SORCS2: variants seen among roughly 807,000 people sequenced by gnomAD.
SORCS2 encodes the protein sortilin related VPS10 domain containing receptor 2, also known as VPS10 domain-containing receptor SorCS2.
A neutral mutation model predicts 141.6 loss-of-function variants in SORCS2; 100 were observed. That is an observed-to-expected ratio of 0.71 (90% CI 0.60 to 0.83). SORCS2 has a LOEUF of 0.83. Among genes scored for constraint, SORCS2 ranks in the 40% least tolerant of loss-of-function variants. The pLI, the probability that SORCS2 is intolerant of heterozygous loss-of-function variation, is 0.00. For synonymous variants in SORCS2, 789 were observed against 676.9 expected, an observed-to-expected ratio of 1.17 and a Z score of -2.57; for missense variants, 1,646 against 1,560.2, an observed-to-expected ratio of 1.05 and a Z score of -0.93.
At chr4:7,207,626 G>A (rs1422552161) in intron 1 of SORCS2, among the ~76,000 whole-genome samples, 1 of 152,210 alleles carries the variant, frequency 6.6e-6, no homozygotes, top group Non-Finnish European at 1.5e-5. Flanking sequence ...CAGATGTCTA[G>A]CGATGCAGGA....
At chr4:7,359,613 T>C (rs1560217182) in intron 1 of SORCS2, among the ~76,000 whole-genome samples, 2 of 152,176 alleles carry the variant, frequency 1.3e-5, no homozygotes, top group African/African-American at 2.4e-5. Flanking sequence ...GCTCCCAAGA[T>C]CCCGGCAGCT....
At chr4:7,473,959 G>A (rs1730137108) in intron 2 of SORCS2, among the ~76,000 whole-genome samples, 1 of 152,192 alleles carries the variant, frequency 6.6e-6, no homozygotes, top group South Asian at 2.1e-4. Context: ...TCGTTACCCA[G>A]CTTTAAAAAC....
At chr4:7,533,307 G>A (rs892792008) in intron 3 of SORCS2, among the ~76,000 whole-genome samples, 1 of 152,206 alleles carries the variant, frequency 6.6e-6, no homozygotes, top group African/African-American at 2.4e-5. Context: ...CTTCCAGCCC[G>A]ACCATCACCC....
chr4:7,740,195 C>T lies in SORCS2; in HGVS notation c.3416-5C>T. On this transcript the variant is annotated splice_polypyrimidine_tract_variant and splice_region_variant and intron_variant, in intron 26 of 26. Transcript: ENST00000507866. ...CACGGGACCTGCGTCTCTTCTGTTT[C>T]CTAGGCAACCACTCAGGCGTGGTCC... The T allele has an allele frequency of 1.9e-6, 3 of 1,606,682 alleles. No homozygotes were observed. Among genetic ancestry groups the T allele is most frequent in the Non-Finnish European group, 2.5e-6 (3 of 1,178,676 alleles).
Position 7,339,919 on chromosome 4 carries a change from C to A in SORCS2, c.481-56369C>A, listed in dbSNP as rs191962996. On this transcript the variant is annotated intron_variant, in intron 1 of 26. Coordinates refer to ENST00000507866, the MANE Select transcript of SORCS2 (RefSeq NM_020777.3). Reference sequence around the variant, plus strand: ...CCCAGGCTCTGCCAAGCAGCAGCTGCCATGCATCAGGGCTGCTTTCCATGA... The same window carrying A: ...CCCAGGCTCTGCCAAGCAGCAGCTGACATGCATCAGGGCTGCTTTCCATGA... Among the ~76,000 whole-genome samples the A allele has an allele frequency of 2.0e-5, 3 of 152,326 alleles. No individual in the cohort carries two copies. In the East Asian group the frequency reaches 5.8e-4, roughly 29 times the overall value.
chr4:7,339,349 G>A (rs1240705253), intron 1 of SORCS2, among the ~76,000 whole-genome samples: 1 of 152,224 alleles, frequency 6.6e-6, no homozygotes, highest in Non-Finnish European at 1.5e-5. Flanking sequence ...TGCAACAGCT[G>A]GTGTAGGAAA....
At chr4:7,673,560 A>G (rs1374762800) in intron 8 of SORCS2, among the ~76,000 whole-genome samples, 1 of 152,206 alleles carries the variant, frequency 6.6e-6, no homozygotes, top group African/African-American at 2.4e-5. Context: ...CACATGAAAA[A>G]AATATGTGCA....
intron 1 of SORCS2, among the ~76,000 whole-genome samples, chr4:7,383,898 AC>A (rs1723138807): frequency 1.3e-5 from 2 of 152,312 alleles, no homozygotes; most frequent in African/African-American, 4.8e-5. Flanking sequence ...GTCTACCAAG[AC>A]CCACCTATTA....
At position 7,663,280 on chromosome 4, in the gene SORCS2, AAGTG is replaced by A. The variant is rs75707298; in HGVS notation, c.953-1063_953-1060del. 0.017 allele frequency among the ~76,000 whole-genome samples: 2,456 copies of A among 148,376 alleles called. 32 individuals are homozygous for A. Among genetic ancestry groups the A allele is most frequent in the Middle Eastern group, 0.047 (12 of 254 alleles). ...TGAATAAGTGAGTGAGTGAATGAAT[AAGTG>A]AGTGAGTGAATGAGTGACTGAGTGA... On this transcript the variant is annotated intron_variant, in intron 6 of 26. Transcript: ENST00000507866. The surrounding 1 kb of genome is among the most constrained non-coding windows in gnomAD (Gnocchi z 4.8).
intron 1 of SORCS2, among the ~76,000 whole-genome samples, chr4:7,307,967 G>A (rs1039805579): frequency 1.3e-5 from 2 of 152,144 alleles, no homozygotes; most frequent in African/African-American, 2.4e-5. Context: ...GTGTGTCTGA[G>A]TGTGTGTGCG....
intron 5 of SORCS2, among the ~76,000 whole-genome samples, chr4:7,654,960 C>CG (rs1560459607): frequency 2.6e-5 from 4 of 152,128 alleles, no homozygotes. Context: ...CCTCACTGCA[C>CG]GGGGGGCACT....
intron 2 of SORCS2, among the ~76,000 whole-genome samples, chr4:7,495,246 A>C (rs910455799): frequency 4.6e-5 from 7 of 152,170 alleles, no homozygotes. Context: ...GAGCTGCATC[A>C]ACTCAGGCTC....
At chr4:7,197,644 A>G (rs192044730) in intron 1 of SORCS2, among the ~76,000 whole-genome samples, 1 of 152,284 alleles carries the variant, frequency 6.6e-6, no homozygotes, top group Non-Finnish European at 1.5e-5. Context: ...TTTTGAAGGT[A>G]TGTGTGTGTT....
At chr4:7,425,976 G>A (rs73086318) in intron 2 of SORCS2, among the ~76,000 whole-genome samples, 2,074 of 152,334 alleles carry the variant, frequency 0.014, 36 homozygotes, top group African/African-American at 0.047. Context: ...TCATGATCCC[G>A]TCCTGGGGAG....
intron 1 of SORCS2, among the ~76,000 whole-genome samples, chr4:7,274,802 A>G (rs1715376309): frequency 6.6e-6 from 1 of 152,146 alleles, no homozygotes; most frequent in South Asian, 2.1e-4. Context: ...TGTATCCCAC[A>G]TCAGTGTCTT....
chr4:7,497,216 A>G (rs1355756802), intron 2 of SORCS2, among the ~76,000 whole-genome samples: 1 of 152,190 alleles, frequency 6.6e-6, no homozygotes, highest in African/African-American at 2.4e-5. Flanking sequence ...TTTAAGGGCT[A>G]AAGAGAAAGG....
At chr4:7,641,890 A>ATGGT (rs1560449914) in intron 4 of SORCS2, among the ~76,000 whole-genome samples, 1 of 143,572 alleles carries the variant, frequency 7.0e-6, no homozygotes, top group African/African-American at 2.7e-5. Flanking sequence ...ATGGGGATGG[A>ATGGT]TGGATGGGTG....
intron 2 of SORCS2, among the ~76,000 whole-genome samples, chr4:7,450,918 G>A (rs537591346): frequency 6.6e-5 from 10 of 152,266 alleles, no homozygotes; most frequent in African/African-American, 2.2e-4. Flanking sequence ...ATGAATGAAT[G>A]AGGAAGTGAG....
intron 4 of SORCS2, among the ~76,000 whole-genome samples, chr4:7,649,914 C>A (rs1022846580): frequency 6.6e-6 from 1 of 152,146 alleles, no homozygotes; most frequent in African/African-American, 2.4e-5. Flanking sequence ...AAAAGAAGCA[C>A]GCGGCACAGA....
Sources: gnomAD v4.1 joint callset for allele counts (sites outside exome capture counted in the v4.1 genomes callset) on GRCh38, gnomAD v4.1.1 for gene constraint, Gnocchi (gnomAD v3.1) non-coding constraint, MANE v1.5 for transcripts, NCBI Gene and HGNC (gene_info 2026-07-23, HGNC 2026-07-21) for gene names.